Variants in PDZD2 observed in about 807,000 individuals in gnomAD.
PDZD2 encodes the protein PDZ domain containing 2, also known as PDZ domain-containing protein 2.
In PDZD2, 90 loss-of-function variants were observed where a neutral mutation model predicts 220.7. That is an observed-to-expected ratio of 0.41 (90% CI 0.34 to 0.49). The LOEUF (loss-of-function observed/expected upper bound fraction) is 0.49. PDZD2 is among the 20% of genes least tolerant of loss of function. The pLI, the probability that PDZD2 is intolerant of heterozygous loss-of-function variation, is 0.28. For missense variants in PDZD2, 3,174 were observed against 3,608.5 expected, an observed-to-expected ratio of 0.88 and a Z score of 3.08; for synonymous variants, 1,375 against 1,450.5, an observed-to-expected ratio of 0.95 and a Z score of 1.18.
intron 2 of PDZD2, among the ~76,000 whole-genome samples, chr5:31,971,651 G>A (rs559093633): frequency 5.3e-5 from 8 of 152,108 alleles, no homozygotes; most frequent in Non-Finnish European, 1.2e-4. Flanking sequence ...TTCCCTCACT[G>A]GAATTCCTGT....
chr5:31,977,620 C>A (rs1209729642), intron 2 of PDZD2, among the ~76,000 whole-genome samples: 1 of 152,166 alleles, frequency 6.6e-6, no homozygotes, highest in Non-Finnish European at 1.5e-5. Flanking sequence ...TGAGATAAGG[C>A]ACCTTTTGCG....
chr5:32,049,724 T>C (rs1738334786), intron 8 of PDZD2, among the ~76,000 whole-genome samples: 1 of 152,182 alleles, frequency 6.6e-6, no homozygotes, highest in African/African-American at 2.4e-5. Flanking sequence ...GTGCCCATGT[T>C]TCAGGGACAA....
chr5:31,869,431 C>A (rs564360375), intron 2 of PDZD2, among the ~76,000 whole-genome samples: 1 of 152,056 alleles, frequency 6.6e-6, no homozygotes, highest in South Asian at 2.1e-4. Flanking sequence ...GGCGTGGTGG[C>A]GGGCGCCTGT....
At chr5:31,860,112 T>A (rs532101363) in intron 2 of PDZD2, among the ~76,000 whole-genome samples, 28 of 150,734 alleles carry the variant, frequency 1.9e-4, no homozygotes, top group Non-Finnish European at 4.0e-4. Context: ...GGGAACCAGA[T>A]GAGAAGGAGA....
At chr5:32,063,139 G>A (rs1299305040) in intron 14 of PDZD2, among the ~76,000 whole-genome samples, 1 of 151,646 alleles carries the variant, frequency 6.6e-6, no homozygotes, top group Non-Finnish European at 1.5e-5. Flanking sequence ...CTGCCTCCTG[G>A]GTTCAAGTGA....
chr5:31,759,400 T>G (rs1482100479), intron 1 of PDZD2, among the ~76,000 whole-genome samples: 1 of 152,200 alleles, frequency 6.6e-6, no homozygotes, highest in Admixed American at 6.5e-5. Context: ...TAGCCTGATT[T>G]GCTGGCGCTG....
intron 1 of PDZD2, among the ~76,000 whole-genome samples, chr5:31,742,533 T>TCC (rs1235789255): frequency 4.4e-5 from 1 of 22,482 alleles, no homozygotes; most frequent in African/African-American, 1.5e-4. Context: ...CTCCCCCAAC[T>TCC]CCCCCCCTCC....
intron 1 of PDZD2, among the ~76,000 whole-genome samples, chr5:31,778,009 G>A (rs187338656): frequency 1.2e-4 from 19 of 152,130 alleles, no homozygotes; most frequent in African/African-American, 4.6e-4. Flanking sequence ...TGAGCACTCT[G>A]TGTCTAGCTC....
intron 2 of PDZD2, 71 bp from the exon 3 acceptor site, chr5:31,983,084 A>T (rs1056449436): frequency 6.0e-6 from 9 of 1,503,456 alleles, no homozygotes; most frequent in Admixed American, 2.1e-5. Context: ...GGACCCTTGA[A>T]CGCGTCTGTC....
rs139041531 is a variant in PDZD2 at position 31,841,963 on chromosome 5, T to C, written c.476+42239T>C. ...TCCAGCCTGGGTAACAGAGCAAGAC[T>C]CCATCTCAAAAAAAAAAAGAATAAT... On this transcript the variant is annotated intron_variant, in intron 2 of 24. Transcript: ENST00000438447. Among the ~76,000 whole-genome samples, 539 of 151,408 alleles carry C rather than the reference T, an allele frequency of 3.6e-3. 2 individuals are homozygous for C. The highest frequency in any genetic ancestry group is 0.013 in the African/African-American group (518 of 41,238).
intron 1 of PDZD2, among the ~76,000 whole-genome samples, chr5:31,770,055 A>T (rs74554155): frequency 0.078 from 11,806 of 152,294 alleles, 615 homozygotes; most frequent in Middle Eastern, 0.13. Context: ...AAAGCATGTC[A>T]CTGGAAATAT....
intron 10 of PDZD2, among the ~76,000 whole-genome samples, chr5:32,054,312 C>CTT (rs57135705): frequency 0.34 from 23,355 of 68,698 alleles, 7,153 homozygotes; most frequent in South Asian, 0.51. Context: ...AAATGAACAT[C>CTT]TTTTTTTTTT....
chr5:31,652,448 G>A (rs544962279), intron 1 of PDZD2, among the ~76,000 whole-genome samples: 170 of 152,328 alleles, frequency 1.1e-3, no homozygotes, highest in Middle Eastern at 3.4e-3. Flanking sequence ...GCAAACATTT[G>A]AAGGAGGTAG....
In PDZD2 at chr5:32,039,775, C is replaced by T. The variant is rs368357992; in HGVS notation, c.1519+2433C>T. ...GCCACCCCGTCTAGGAAGTGAGGAGCGTCTCTGCCGGACTGCCCATCGTCT... is the reference window on the plus strand; with the variant it reads ...GCCACCCCGTCTAGGAAGTGAGGAGTGTCTCTGCCGGACTGCCCATCGTCT... On this transcript the variant is annotated intron_variant, in intron 7 of 24. Coordinates refer to ENST00000438447, the MANE Select transcript of PDZD2 (RefSeq NM_178140.4). Among the ~76,000 whole-genome samples, 6 of 145,882 alleles carry T rather than the reference C, an allele frequency of 4.1e-5. No homozygotes were observed. In the South Asian group the frequency reaches 6.6e-4, roughly 16 times the overall value.
chr5:32,078,663 A>G (rs116012890), intron 19 of PDZD2, among the ~76,000 whole-genome samples: 3,882 of 138,252 alleles, frequency 0.028, 71 homozygotes, highest in Non-Finnish European at 0.044. Flanking sequence ...AAAAAAAGGA[A>G]ATTAGTTAGA....
At chr5:31,785,629 C>T (rs977391037) in intron 1 of PDZD2, among the ~76,000 whole-genome samples, 6 of 151,888 alleles carry the variant, frequency 4.0e-5, no homozygotes, top group African/African-American at 1.5e-4. Context: ...TTTCTAGACA[C>T]AGGGTCTCGC....
rs775266487 is a variant in PDZD2, at chr5:31,646,808, C to T, written c.-361+7371C>T. Among the ~76,000 whole-genome samples, 15 of 152,200 alleles carry T rather than the reference C, an allele frequency of 9.9e-5. No individual in the cohort carries two copies. The highest frequency in any genetic ancestry group is 3.9e-4 in the Admixed American group (6 of 15,278). ...CACTGCCCACTCTCCACTCCTACCC[C>T]GCCCTGGCCACCTTAATTCCCAGTA... On this transcript the variant is annotated intron_variant, in intron 1 of 24. Transcript: ENST00000438447. This position sits in a 1 kb window ranked among gnomAD's most constrained non-coding sequence, Gnocchi z 4.7.
intron 2 of PDZD2, among the ~76,000 whole-genome samples, chr5:31,879,001 C>T (rs1478699643): frequency 6.6e-6 from 1 of 152,112 alleles, no homozygotes. Flanking sequence ...AGCAGTTGGA[C>T]CAGGACATTG....
At chr5:31,929,816 T>A (rs542561971) in intron 2 of PDZD2, among the ~76,000 whole-genome samples, 12 of 152,136 alleles carry the variant, frequency 7.9e-5, no homozygotes, top group African/African-American at 2.9e-4. Flanking sequence ...ATTGATATAG[T>A]TTGCATGTTT....
Sources: gnomAD v4.1 joint callset for allele counts (sites outside exome capture counted in the v4.1 genomes callset) on GRCh38, gnomAD v4.1.1 for gene constraint, Gnocchi (gnomAD v3.1) non-coding constraint, MANE v1.5 for transcripts, NCBI Gene and HGNC (gene_info 2026-07-23, HGNC 2026-07-21) for gene names.